The following RBBP4 variants were observed in gnomAD, a reference collection of about 807,000 sequenced individuals.
RBBP4 encodes RB binding protein 4, chromatin remodeling factor.
A neutral mutation model predicts 57.2 loss-of-function variants in RBBP4; 3 were observed. The ratio of observed to expected loss-of-function variants is 0.05; its 90% confidence interval spans 0.02 to 0.14. The LOEUF is 0.14. Ranked by LOEUF, RBBP4 falls within the 10% of genes least tolerant of loss-of-function variation. RBBP4 has a pLI of 1.00. For missense variants in RBBP4, 107 were observed against 520.6 expected, an observed-to-expected ratio of 0.21 and a Z score of 7.73; for synonymous variants, 151 against 171.5, an observed-to-expected ratio of 0.88 and a Z score of 0.93.
intron 11 of RBBP4, 122 bp from the exon 12 acceptor site, chr1:32,679,518 G>A: frequency 2.5e-6 from 2 of 810,026 alleles, no homozygotes; most frequent in South Asian, 2.2e-5. Context: ...TTGTAACACA[G>A]ATTGTGTGGC....
intron 3 of RBBP4, among the ~76,000 whole-genome samples, chr1:32,661,457 G>A (rs536558812): frequency 6.6e-6 from 1 of 151,978 alleles, no homozygotes; most frequent in African/African-American, 2.4e-5. Context: ...ACCATGCCCA[G>A]CTAATTTTGT....
At chr1:32,651,843 C>T in intron 1 of RBBP4, 71 bp from the exon 2 acceptor site, 1 of 1,482,850 alleles carries the variant, frequency 6.7e-7, no homozygotes, top group Non-Finnish European at 9.2e-7. Context: ...AGGAGTCATG[C>T]AGGTGGCTTT....
chr1:32,653,397 C>T (rs1647976640), intron 2 of RBBP4, among the ~76,000 whole-genome samples: 2 of 152,072 alleles, frequency 1.3e-5, no homozygotes, highest in African/African-American at 4.8e-5. Flanking sequence ...TAAGTAAATT[C>T]CTTCAAAACT....
Position 32,669,202 on chromosome 1 carries a change from T to C in RBBP4, c.762-29T>C. On this transcript the variant is annotated intron_variant, in intron 6 of 11. Transcript: ENST00000373493. This position sits in a 1 kb window ranked among gnomAD's most constrained non-coding sequence, Gnocchi z 4.9. ...TTATGTTTAGTCACCATTTCAAGGT[T>C]TTTTTCCTTTGTTTTTTTTTCACTG... 1 of 1,608,646 alleles carries C rather than the reference T, an allele frequency of 6.2e-7. No individual in the cohort carries two copies. The highest frequency in any genetic ancestry group is 1.3e-5 in the African/African-American group (1 of 74,532).
rs1300126484 is a variant in RBBP4 at position 32,651,244 on chromosome 1, T to G, written c.-63T>G. On this transcript the variant is annotated 5_prime_UTR_variant, in exon 1 of 12. Coordinates refer to ENST00000373493, the MANE Select transcript of RBBP4 (RefSeq NM_005610.3). ...AGGCCGCGCGCACAGAGCGAGCTCT[T>G]GCAGCCTCCCCGCCCCTCCCGCAAC... is the stretch of plus-strand genomic sequence containing the variant. 4.6e-6 allele frequency: 7 copies of G among 1,506,194 alleles called. No individual in the cohort carries two copies. The highest frequency in any genetic ancestry group is 2.5e-5 in the South Asian group (2 of 81,060). 93.3% of individuals were successfully genotyped at this position (1,506,194 alleles called of 1,614,324 possible). A position where few individuals can be genotyped will look rare whatever the true frequency, so the allele number is the denominator to read the frequency against.
intron 5 of RBBP4, 29 bp from the exon 6 acceptor site, chr1:32,668,943 T>C (rs1174644922): frequency 6.2e-7 from 1 of 1,613,632 alleles, no homozygotes. Flanking sequence ...GAATCTTCCT[T>C]TTATATAATG....
At chr1:32,674,888 C>A (rs576746193) in intron 11 of RBBP4, among the ~76,000 whole-genome samples, 2 of 150,326 alleles carry the variant, frequency 1.3e-5, no homozygotes, top group East Asian at 3.9e-4. Flanking sequence ...CCACCATGCC[C>A]GGCTAGTTTT....
chr1:32,666,895 A>G (rs1346339824), intron 3 of RBBP4, among the ~76,000 whole-genome samples: 1 of 152,242 alleles, frequency 6.6e-6, no homozygotes, highest in African/African-American at 2.4e-5. Flanking sequence ...TAACCAAGGA[A>G]TAACCGGCAG....
chr1:32,670,381 C>T (rs887186694), intron 8 of RBBP4, among the ~76,000 whole-genome samples: 37 of 152,168 alleles, frequency 2.4e-4, no homozygotes, highest in African/African-American at 8.4e-4. Context: ...CCATTTATGC[C>T]TAGTGTTCCA....
Position 32,679,550 on chromosome 1 carries a change from C to T in RBBP4, c.1213-90C>T, listed in dbSNP as rs939484786. 3.3e-6 allele frequency: 4 copies of T among 1,196,446 alleles called. No homozygotes were observed. The East Asian group carries it at 1.0e-4, about 30-fold the overall frequency. The allele number at this position is 1,196,446 out of a possible 1,614,324, so 74.1% of individuals were successfully genotyped here. On this transcript the variant is annotated intron_variant, in intron 11 of 11. Transcript: ENST00000373493. ...TGGCCCAAAAGCTATAAAGTATTTA[C>T]TCTCTGGCTTCCTGGCCTAATCTGT...
Position 32,684,046 on chromosome 1 carries a change from T to G in RBBP4, c.*4341T>G, listed in dbSNP as rs757000197. The G allele has an allele frequency of 6.2e-7, 1 of 1,614,222 alleles. No homozygotes were observed. The highest frequency in any genetic ancestry group is 8.5e-7 in the Non-Finnish European group (1 of 1,180,040). On this transcript the variant is annotated 3_prime_UTR_variant, in exon 12 of 12. Coordinates refer to ENST00000373493, the MANE Select transcript of RBBP4 (RefSeq NM_005610.3). ...GTCTCCATTCCACCTGCCTGAGAAGTGGGAGCATCAGCCTGTTCCAGGCTC... is the reference window on the plus strand; with the variant it reads ...GTCTCCATTCCACCTGCCTGAGAAGGGGGAGCATCAGCCTGTTCCAGGCTC...
rs1271478836 is a variant in RBBP4, at chr1:32,679,819, TA to T, written c.*115del. ...TTCAGCTATCCCTCTATATAATAGG[TA>T]CCACCGATAATGCTATTAGCCCAAA... On this transcript the variant is annotated 3_prime_UTR_variant, in exon 12 of 12. Transcript: ENST00000373493. 6.8e-7 allele frequency: 1 copy of T among 1,477,652 alleles called. No homozygotes were observed. Among genetic ancestry groups the T allele is most frequent in the Non-Finnish European group, 8.9e-7 (1 of 1,121,960 alleles). The allele number at this position is 1,477,652 out of a possible 1,614,324, so 91.5% of individuals were successfully genotyped here.
chr1:32,678,567 CTTTTTTTTTTTTTTTTTTTTTTTTTTTT>C (rs558897341), intron 11 of RBBP4, among the ~76,000 whole-genome samples: 1 of 43,620 alleles, frequency 2.3e-5, no homozygotes, highest in Non-Finnish European at 4.1e-5. Context: ...TATGTGACAG[CTTTTTTTTTTTTTTTTTTTTTTTTTTTT>C]TTTTTTTTTT....
At chr1:32,675,328 G>A (rs533242395) in intron 11 of RBBP4, among the ~76,000 whole-genome samples, 9 of 151,928 alleles carry the variant, frequency 5.9e-5, no homozygotes, top group East Asian at 1.9e-4. Flanking sequence ...GAGCCACCGC[G>A]CCTGGCGTAA....
At chr1:32,655,712 T>G (rs1052135084) in intron 2 of RBBP4, among the ~76,000 whole-genome samples, 2 of 152,238 alleles carry the variant, frequency 1.3e-5, no homozygotes, top group Non-Finnish European at 2.9e-5. Context: ...CGTGAAGGCC[T>G]TACCCCAACT....
intron 2 of RBBP4, among the ~76,000 whole-genome samples, chr1:32,653,773 C>T (rs767661364): frequency 2.7e-4 from 40 of 149,822 alleles, no homozygotes; most frequent in Non-Finnish European, 4.3e-4. Context: ...ATTTTCCTGC[C>T]TCAGCTTCCC....
intron 3 of RBBP4, among the ~76,000 whole-genome samples, chr1:32,665,678 T>TAA (rs57130788): frequency 0.1 from 13,817 of 136,522 alleles, 792 homozygotes; most frequent in Non-Finnish European, 0.12. Flanking sequence ...ACCCTGTCTT[T>TAA]AAAAAAAAAA....
intron 4 of RBBP4, 135 bp from the exon 5 acceptor site, chr1:32,668,604 C>G (rs139408578): frequency 5.9e-6 from 5 of 852,406 alleles, no homozygotes; most frequent in Non-Finnish European, 7.3e-6. Context: ...TAAGCATTAT[C>G]TATTTGATCA....
chr1:32,670,567 A>ATT lies in RBBP4; in HGVS notation c.966+1012_966+1013dup, dbSNP rs34886799. The stretch of plus-strand genomic sequence containing the variant: ...CTATCAAGGAGCCCCCAATTTTTTT[A>ATT]TTTTTTTTTAATTAATTTTTTTGAG... On this transcript the variant is annotated intron_variant, in intron 8 of 11. Coordinates refer to ENST00000373493, the MANE Select transcript of RBBP4 (RefSeq NM_005610.3). 2.7e-3 allele frequency among the ~76,000 whole-genome samples: 404 copies of ATT among 151,244 alleles called. 1 individual carries two copies. The highest frequency in any genetic ancestry group is 0.01 in the Middle Eastern group (3 of 294).
Sources: allele counts gnomAD v4.1 joint callset (sites outside exome capture counted in the v4.1 genomes callset), GRCh38; gene constraint gnomAD v4.1.1; non-coding constraint Gnocchi (gnomAD v3.1); transcripts MANE v1.5; gene names NCBI Gene and HGNC (gene_info 2026-07-23, HGNC 2026-07-21).